Variants in THSD7B observed in about 807,000 individuals in gnomAD.
THSD7B encodes the protein thrombospondin type-1 domain-containing protein 7B.
Under a neutral mutation model 213.6 loss-of-function variants are expected in THSD7B, and 138 were observed. The ratio of observed to expected loss-of-function variants is 0.65; its 90% CI spans 0.56 to 0.74. THSD7B has a LOEUF of 0.74. Among genes scored for constraint, THSD7B ranks in the 30% least tolerant of loss-of-function variants. The probability of loss-of-function intolerance (pLI) is 0.00; values close to 1 mark genes in which losing one functional copy is unlikely to be tolerated. For synonymous variants in THSD7B, 742 were observed against 687.0 expected, an observed-to-expected ratio of 1.08 and a Z score of -1.25; for missense variants, 1,931 against 1,991.5, an observed-to-expected ratio of 0.97 and a Z score of 0.58.
At chr2:136,816,327 A>G (rs1345234783) in intron 1 of THSD7B, among the ~76,000 whole-genome samples, 2 of 152,222 alleles carry the variant, frequency 1.3e-5, no homozygotes, top group East Asian at 3.8e-4. Context: ...ATCCTTTGAT[A>G]TTGTTAAATG....
rs11886333 is a variant in THSD7B at position 137,602,795 on chromosome 2, T to A, written c.3424-13380T>A. Among the ~76,000 whole-genome samples the A allele has an allele frequency of 6.6e-3, 1,006 of 152,284 alleles. 6 individuals carry two copies. Among genetic ancestry groups the A allele is most frequent in the African/African-American group, 0.023 (954 of 41,562 alleles). On this transcript the variant is annotated intron_variant, in intron 17 of 27. Coordinates refer to ENST00000409968, the MANE Select transcript of THSD7B (RefSeq NM_001316349.2). ...AATTACCTCTTAAAAGTCCCACCTC[T>A]CAACACAGTTGCATTTGGGATTGTT...
intron 12 of THSD7B, among the ~76,000 whole-genome samples, chr2:137,307,917 T>C (rs1047085540): frequency 1.6e-4 from 25 of 151,976 alleles, no homozygotes; most frequent in Non-Finnish European, 1.5e-5. Context: ...GTCTTATAGG[T>C]TCCTCACAGG....
intron 17 of THSD7B, among the ~76,000 whole-genome samples, chr2:137,583,332 C>G (rs926730038): frequency 6.6e-6 from 1 of 152,152 alleles, no homozygotes; most frequent in African/African-American, 2.4e-5. Context: ...TGCATAAGCT[C>G]TTTAGTGTAA....
intron 15 of THSD7B, among the ~76,000 whole-genome samples, chr2:137,473,971 T>G (rs1014838148): frequency 1.3e-5 from 2 of 152,332 alleles, no homozygotes; most frequent in South Asian, 4.1e-4. Context: ...CTCTTAGATG[T>G]GCCACGTTAG....
chr2:137,616,770 A>T (rs890862121), intron 18 of THSD7B, among the ~76,000 whole-genome samples: 3 of 152,094 alleles, frequency 2.0e-5, no homozygotes, highest in Non-Finnish European at 2.9e-5. Flanking sequence ...CTGGTCAGGG[A>T]TGTTTTCGAG....
chr2:137,564,336 T>C (rs946228643), intron 16 of THSD7B, among the ~76,000 whole-genome samples: 1 of 152,164 alleles, frequency 6.6e-6, no homozygotes, highest in African/African-American at 2.4e-5. Flanking sequence ...ACAGTCTCAA[T>C]GTTGCAAAAT....
At position 137,273,746 on chromosome 2, in the gene THSD7B, T is replaced by C. The variant is rs1682805261; in HGVS notation, c.2396+1084T>C. ...ATTTTGGGAGGATGTAAATAAACAC[T>C]GGGAACATGCCCAGACTACCATTTT... is the stretch of plus-strand genomic sequence containing the variant. On this transcript the variant is annotated intron_variant, in intron 11 of 27. Coordinates refer to ENST00000409968, the MANE Select transcript of THSD7B (RefSeq NM_001316349.2). Among the ~76,000 whole-genome samples, 5 of 152,208 alleles carry C rather than the reference T, an allele frequency of 3.3e-5. No individual in the cohort carries two copies. In the South Asian group the frequency reaches 1.0e-3, roughly 32 times the overall value.
chr2:137,662,229 A>ATTTTTTTTTTTTTTT (rs36040861), intron 25 of THSD7B, among the ~76,000 whole-genome samples: 2 of 101,836 alleles, frequency 2.0e-5, no homozygotes, highest in African/African-American at 3.9e-5. Context: ...CGCCCGGCTA[A>ATTTTTTTTTTTTTTT]TTTTTTTTTT....
chr2:136,956,644 GAGTT>G (rs1451480975), intron 2 of THSD7B, among the ~76,000 whole-genome samples: 1 of 150,328 alleles, frequency 6.7e-6, no homozygotes, highest in Non-Finnish European at 1.5e-5. Flanking sequence ...TCAGCAAGAG[GAGTT>G]AGATTTCATA....
intron 15 of THSD7B, among the ~76,000 whole-genome samples, chr2:137,472,247 A>G (rs1047057786): frequency 1.3e-5 from 2 of 152,218 alleles, no homozygotes; most frequent in African/African-American, 4.8e-5. Flanking sequence ...GGAAAGTTTC[A>G]TCTAAAAAGC....
chr2:137,608,991 C>A (rs764221812), intron 17 of THSD7B, among the ~76,000 whole-genome samples: 7 of 152,206 alleles, frequency 4.6e-5, no homozygotes, highest in Non-Finnish European at 7.3e-5. Context: ...GAGTGCACTG[C>A]ACTTGAAGAA....
intron 15 of THSD7B, among the ~76,000 whole-genome samples, chr2:137,473,071 T>C (rs1263009052): frequency 6.6e-6 from 1 of 151,816 alleles, no homozygotes; most frequent in Admixed American, 6.6e-5. Context: ...AATTTTATCA[T>C]TGCAAACAAA....
intron 2 of THSD7B, among the ~76,000 whole-genome samples, chr2:136,895,014 A>G (rs1053579316): frequency 6.6e-6 from 1 of 152,192 alleles, no homozygotes; most frequent in Non-Finnish European, 1.5e-5. Flanking sequence ...AGTCTGTGGC[A>G]TGTTTGAACA....
intron 11 of THSD7B, among the ~76,000 whole-genome samples, chr2:137,274,621 A>G (rs1273675369): frequency 6.6e-6 from 1 of 151,920 alleles, no homozygotes; most frequent in East Asian, 1.9e-4. Context: ...TCTTTCCTCC[A>G]TTTCAGTCTA....
At chr2:137,074,790 A>C (rs1252857636) in intron 3 of THSD7B, among the ~76,000 whole-genome samples, 3 of 152,150 alleles carry the variant, frequency 2.0e-5, no homozygotes, top group Admixed American at 6.5e-5. Flanking sequence ...GGTGGTGACA[A>C]AATCTCTCAG....
chr2:137,667,791 T>G lies in THSD7B; in HGVS notation c.4669T>G (p.Trp1557Gly), dbSNP rs763840534. The change falls in exon 27 of 28, where the codon TGG becomes GGG. Residue 1557 changes from tryptophan to glycine, a missense_variant. Physicochemically the swap from Trp to Gly is radical, Grantham distance 184 (BLOSUM62 -2). Coordinates refer to ENST00000409968, the MANE Select transcript of THSD7B (RefSeq NM_001316349.2). Reference protein sequence around the residue: ...PLDPDGRVKIWVYGVSGGAFL... With the variant: ...PLDPDGRVKIGVYGVSGGAFL... Reference sequence around the variant, plus strand: ...TTAAACAGATGGCCGAGTAAAAATTTGGGTTTATGGCGTTTCAGGTGGCGC... The same window carrying G: ...TTAAACAGATGGCCGAGTAAAAATTGGGGTTTATGGCGTTTCAGGTGGCGC... 4 of 1,605,858 alleles carry G rather than the reference T, an allele frequency of 2.5e-6. No individual in the cohort carries two copies. The highest frequency in any genetic ancestry group is 1.1e-5 in the South Asian group (1 of 89,378).
At chr2:137,337,786 C>A (rs1482199539) in intron 12 of THSD7B, among the ~76,000 whole-genome samples, 1 of 151,974 alleles carries the variant, frequency 6.6e-6, no homozygotes, top group African/African-American at 2.4e-5. Context: ...ATTTTTCCAA[C>A]TATTTATATT....
intron 2 of THSD7B, among the ~76,000 whole-genome samples, chr2:137,037,945 T>A (rs1384406337): frequency 6.6e-6 from 1 of 151,644 alleles, no homozygotes; most frequent in Non-Finnish European, 1.5e-5. Context: ...CCCAAATATT[T>A]TATGTGTGAA....
chr2:136,909,807 A>G (rs572849927), intron 2 of THSD7B, among the ~76,000 whole-genome samples: 10 of 152,290 alleles, frequency 6.6e-5, no homozygotes, highest in African/African-American at 1.7e-4. Context: ...GACTACTTAC[A>G]TTCTTTCCTG....
Sources: gnomAD v4.1 joint callset for allele counts (sites outside exome capture counted in the v4.1 genomes callset) on GRCh38, gnomAD v4.1.1 for gene constraint, MANE v1.5 for transcripts, NCBI Gene and HGNC (gene_info 2026-07-23, HGNC 2026-07-21) for gene names.